The following COLQ variants were observed in gnomAD, a reference collection of about 807,000 sequenced individuals.
COLQ encodes acetylcholinesterase collagenic tail peptide.
In COLQ, 48 loss-of-function variants were observed where a neutral mutation model predicts 69.0. That is an observed-to-expected ratio of 0.70 (90% CI 0.55 to 0.88). The LOEUF is 0.88. COLQ is among the 40% of genes least tolerant of loss of function. The pLI, the probability that COLQ is intolerant of heterozygous loss-of-function variation, is 0.00. For missense variants in COLQ, 618 were observed against 594.6 expected (o/e 1.04, Z -0.41); for synonymous variants, 217 against 211.2 (o/e 1.03, Z -0.24).
chr3:15,499,613 C>T (rs1469483432), intron 1 of COLQ, among the ~76,000 whole-genome samples: 1 of 152,198 alleles, frequency 6.6e-6, no homozygotes, highest in Admixed American at 6.5e-5. Flanking sequence ...AAGCCCTGCA[C>T]TATAACCTTC....
intron 1 of COLQ, among the ~76,000 whole-genome samples, chr3:15,498,255 A>G (rs1361076116): frequency 6.6e-6 from 1 of 152,190 alleles, no homozygotes; most frequent in East Asian, 1.9e-4. Context: ...CACACCCGTT[A>G]GCATGTATGC....
At chr3:15,498,286 T>C (rs887818162) in intron 1 of COLQ, among the ~76,000 whole-genome samples, 5 of 152,138 alleles carry the variant, frequency 3.3e-5, no homozygotes, top group Non-Finnish European at 5.9e-5. Context: ...CCAACTCTAC[T>C]GTGAAACCCC....
At chr3:15,455,289 A>G (rs576074408) in intron 15 of COLQ, among the ~76,000 whole-genome samples, 7 of 152,192 alleles carry the variant, frequency 4.6e-5, no homozygotes, top group African/African-American at 7.2e-5. Context: ...CAGGGCCTGC[A>G]TTCAACCTCT....
chr3:15,513,157 G>A (rs910752349), intron 1 of COLQ, among the ~76,000 whole-genome samples: 1 of 152,202 alleles, frequency 6.6e-6, no homozygotes, highest in African/African-American at 2.4e-5. Context: ...GGTAACTTTA[G>A]TGTTTTTAGT....
At position 15,489,580 on chromosome 3, in the gene COLQ, G is replaced by A. The variant is rs774271810; in HGVS notation, c.164C>T (p.Thr55Met). The part of the protein sequence containing the change: ...RGGHKACCLL[T>M]PPPPPLFPPP... The stretch of plus-strand genomic sequence containing the variant: ...TGGGAACAGTGGTGGTGGAGGAGGC[G>A]TCAGCAGGCAGCATGCTTTGTGGCC... Residue 55 changes from threonine (T) to methionine (M), a missense_variant, in exon 2 of 17, where the codon ACG becomes ATG. Physicochemically the swap from Thr to Met is moderately conservative, Grantham distance 81. Transcript: ENST00000383788. The A allele has an allele frequency of 2.9e-5, 47 of 1,614,078 alleles. No individual in the cohort carries two copies. The highest frequency in any genetic ancestry group is 3.6e-5 in the Non-Finnish European group (42 of 1,180,048).
intron 10 of COLQ, 72 bp from the exon 11 acceptor site, chr3:15,470,688 C>G: frequency 2.9e-6 from 4 of 1,382,218 alleles, no homozygotes; most frequent in Non-Finnish European, 4.1e-6. Context: ...CAGGTCTAGC[C>G]AGTCATTGGC....
intron 11 of COLQ, among the ~76,000 whole-genome samples, chr3:15,470,191 A>T (rs1376766250): frequency 6.6e-6 from 1 of 152,244 alleles, no homozygotes; most frequent in African/African-American, 2.4e-5. Context: ...TGTGTCTGGG[A>T]CATTGAAGCA....
chr3:15,486,787 CAG>C (rs1375703346), intron 3 of COLQ, among the ~76,000 whole-genome samples: 3 of 152,162 alleles, frequency 2.0e-5, no homozygotes, highest in African/African-American at 7.2e-5. Flanking sequence ...CTGTTGTAGA[CAG>C]GGAATATAAT....
intron 1 of COLQ, among the ~76,000 whole-genome samples, chr3:15,516,939 C>T (rs1259898064): frequency 6.6e-6 from 1 of 152,126 alleles, no homozygotes; most frequent in Non-Finnish European, 1.5e-5. Context: ...GTCAGGAGTT[C>T]GAGACCAGCC....
chr3:15,456,732 G>A (rs1389341751), intron 13 of COLQ, among the ~76,000 whole-genome samples, 153 bp from the exon 14 acceptor site: 1 of 152,236 alleles, frequency 6.6e-6, no homozygotes, highest in African/African-American at 2.4e-5. Flanking sequence ...TCTGAAGTGA[G>A]AGGAGTGTCT....
intron 16 of COLQ, among the ~76,000 whole-genome samples, chr3:15,452,605 A>G (rs966392203): frequency 6.6e-6 from 1 of 152,014 alleles, no homozygotes; most frequent in Non-Finnish European, 1.5e-5. Context: ...CCTGTACTCC[A>G]TATCTGATCG....
At chr3:15,507,786 T>C (rs1042103723) in intron 1 of COLQ, among the ~76,000 whole-genome samples, 2 of 152,334 alleles carry the variant, frequency 1.3e-5, no homozygotes, top group South Asian at 4.1e-4. Flanking sequence ...ATTTCTCATA[T>C]AGTAAATGAG....
intron 5 of COLQ, among the ~76,000 whole-genome samples, chr3:15,478,302 G>GAAACCATTTAAT (rs2062417079): frequency 6.6e-6 from 1 of 152,192 alleles, no homozygotes; most frequent in Non-Finnish European, 1.5e-5. Flanking sequence ...TGTGGACCAT[G>GAAACCATTTAAT]AAACCATTTA....
intron 1 of COLQ, among the ~76,000 whole-genome samples, chr3:15,491,336 C>T (rs2062662758): frequency 1.3e-5 from 2 of 152,204 alleles, no homozygotes; most frequent in Non-Finnish European, 2.9e-5. Flanking sequence ...CACCCCTTCA[C>T]GAAACCTCTG....
At chr3:15,469,548 T>C (rs2125108343) in intron 11 of COLQ, among the ~76,000 whole-genome samples, 1 of 152,328 alleles carries the variant, frequency 6.6e-6, no homozygotes, top group African/African-American at 2.4e-5. Context: ...CAGTCTAAAT[T>C]TTCCAGGTTG....
intron 12 of COLQ, among the ~76,000 whole-genome samples, chr3:15,459,135 T>C (rs1025642334): frequency 1.3e-5 from 2 of 152,112 alleles, no homozygotes; most frequent in Admixed American, 1.3e-4. Context: ...TGAGCCACCA[T>C]ACCCAGCCAA....
intron 15 of COLQ, among the ~76,000 whole-genome samples, chr3:15,454,440 T>C (rs1343101017): frequency 1.3e-5 from 2 of 152,142 alleles, no homozygotes. Context: ...ATCCCAGCGT[T>C]GTTTTCACAG....
At chr3:15,469,446 A>G (rs1364869136) in intron 11 of COLQ, among the ~76,000 whole-genome samples, 1 of 152,228 alleles carries the variant, frequency 6.6e-6, no homozygotes, top group Non-Finnish European at 1.5e-5. Context: ...AGAAATTGGT[A>G]TCTGTGGCAT....
intron 1 of COLQ, among the ~76,000 whole-genome samples, chr3:15,510,660 G>A (rs1188539820): frequency 2.0e-5 from 3 of 151,044 alleles, no homozygotes; most frequent in African/African-American, 4.9e-5. Flanking sequence ...GTAGTGAGCC[G>A]TGATTGCCAC....
Sources: allele counts gnomAD v4.1 joint callset (sites outside exome capture counted in the v4.1 genomes callset), GRCh38; gene constraint gnomAD v4.1.1; transcripts MANE v1.5; gene names NCBI Gene and HGNC (gene_info 2026-07-23, HGNC 2026-07-21).